Variants in TUBB3 observed in about 807,000 individuals in gnomAD.
The protein encoded by TUBB3 is tubulin beta 3 class III.
A neutral mutation model predicts 37.8 loss-of-function variants in TUBB3; 17 were observed. That is an observed-to-expected ratio of 0.45 (90% CI 0.31 to 0.67). The LOEUF is 0.67. Among genes scored for constraint, TUBB3 ranks in the 30% least tolerant of loss-of-function variants. The pLI, the probability that TUBB3 is intolerant of heterozygous loss-of-function variation, is 0.07. For synonymous variants in TUBB3, 332 were observed against 278.9 expected, an observed-to-expected ratio of 1.19 and a Z score of -1.90; for missense variants, 262 against 657.9, an observed-to-expected ratio of 0.40 and a Z score of 6.58.
intron 2 of TUBB3, chr16:89,933,039 G>C: frequency 2.1e-6 from 1 of 471,832 alleles, no homozygotes; most frequent in Non-Finnish European, 3.9e-6. Flanking sequence ...GGTGTGAAGT[G>C]ATTTCCATAT....
At chr16:89,926,784 C>T (rs1226201132) in intron 1 of TUBB3, among the ~76,000 whole-genome samples, 1 of 152,014 alleles carries the variant, frequency 6.6e-6, no homozygotes, top group Non-Finnish European at 1.5e-5. Flanking sequence ...GTGGCGCGAT[C>T]TCGGCTCATT....
chr16:89,928,999 G>T (rs1337176727), intron 1 of TUBB3, among the ~76,000 whole-genome samples: 8 of 135,924 alleles, frequency 5.9e-5, no homozygotes, highest in Non-Finnish European at 3.1e-5. Flanking sequence ...TTTCACTCTT[G>T]TCCCACAGGC....
At chr16:89,930,644 C>T (rs2030249714) in intron 1 of TUBB3, among the ~76,000 whole-genome samples, 1 of 151,986 alleles carries the variant, frequency 6.6e-6, no homozygotes, top group South Asian at 2.1e-4. Context: ...GGTGATCTGC[C>T]CACCTCAGCC....
chr16:89,923,388 C>A lies in TUBB3; in HGVS notation c.-14C>A. The A allele has an allele frequency of 6.8e-7, 1 of 1,474,912 alleles. No individual in the cohort carries two copies. 91.4% of individuals were successfully genotyped at this position (1,474,912 alleles called of 1,614,324 possible). On this transcript the variant is annotated 5_prime_UTR_variant, in exon 1 of 4. Coordinates refer to ENST00000315491, the MANE Select transcript of TUBB3 (RefSeq NM_006086.4). ...CCCGCGCCCGTCCGCAGCCGCCCGC[C>A]AGACGCGCCCAGTATGAGGGAGATC... is the stretch of plus-strand genomic sequence containing the variant.
At chr16:89,926,228 G>GGGCTGCGGCACCGCCTCCTCGC (rs1567761316) in intron 1 of TUBB3, among the ~76,000 whole-genome samples, 4 of 152,100 alleles carry the variant, frequency 2.6e-5, no homozygotes, top group African/African-American at 7.2e-5. Flanking sequence ...TCCTCCGCGC[G>GGGCTGCGGCACCGCCTCCTCGC]GGCTGCGGCA....
At chr16:89,930,988 C>T (rs1017551123) in intron 1 of TUBB3, among the ~76,000 whole-genome samples, 9 of 152,058 alleles carry the variant, frequency 5.9e-5, no homozygotes, top group African/African-American at 1.2e-4. Context: ...CCACCATTCC[C>T]GGCTAATTTT....
intron 3 of TUBB3, chr16:89,933,834 A>C (rs1302709710): frequency 1.4e-6 from 1 of 698,862 alleles, no homozygotes; most frequent in Non-Finnish European, 2.6e-6. Flanking sequence ...ATTGCTAGAG[A>C]GCTGGTGAGA....
chr16:89,930,566 GA>G (rs1441684748), intron 1 of TUBB3, among the ~76,000 whole-genome samples: 1 of 151,756 alleles, frequency 6.6e-6, no homozygotes, highest in Non-Finnish European at 1.5e-5. Context: ...TGGAACGTGT[GA>G]GCCACCACCC....
chr16:89,922,444 CCCTT>C (rs1461637134), upstream of TUBB3: 1 of 152,620 alleles, frequency 6.6e-6, no homozygotes, highest in Admixed American at 6.5e-5. Context: ...GTCCTTTGCT[CCCTT>C]CCTTCTCTGA....
chr16:89,924,040 A>G (rs1239738202), intron 1 of TUBB3, among the ~76,000 whole-genome samples: 1 of 152,202 alleles, frequency 6.6e-6, no homozygotes, highest in Non-Finnish European at 1.5e-5. Flanking sequence ...ACCTTGGTCC[A>G]GGACCAGGCT....
In TUBB3 at chr16:89,935,585, C is replaced by T. The variant is rs2030426931; in HGVS notation, c.1134C>T (p.Phe378=). The T allele has an allele frequency of 6.2e-7, 1 of 1,613,904 alleles. No individual in the cohort carries two copies. The highest frequency in any genetic ancestry group is 1.7e-5 in the Admixed American group (1 of 60,004). ...IGNSTAIQEL[F]KRISEQFTAM... ...ACAGCACGGCCATCCAGGAGCTGTT[C>T]AAGCGCATCTCCGAGCAGTTCACGG... The change falls in exon 4 of 4, where the codon TTC becomes TTT. Residue 378 remains phenylalanine (F), a synonymous_variant. Transcript: ENST00000315491.
At chr16:89,924,327 C>T (rs1450651214) in intron 1 of TUBB3, among the ~76,000 whole-genome samples, 2 of 152,196 alleles carry the variant, frequency 1.3e-5, no homozygotes, top group African/African-American at 4.8e-5. Flanking sequence ...CCCAAGGTCA[C>T]ACAGCAGGTG....
Position 89,933,736 on chromosome 16 carries a change from G to A in TUBB3, c.277+158G>A, listed in dbSNP as rs1035553892. On this transcript the variant is annotated intron_variant, in intron 3 of 3. Transcript: ENST00000315491. ...CTCCATTTTACAGCTGGGCATTGGAGGCCCAGAGAAAGGGTTCTGTGGGGA... is the reference window on the plus strand; with the variant it reads ...CTCCATTTTACAGCTGGGCATTGGAAGCCCAGAGAAAGGGTTCTGTGGGGA... The A allele has an allele frequency of 1.5e-5, 11 of 734,690 alleles. 1 individual carries two copies. The Admixed American group carries it at 1.8e-4, about 12-fold the overall frequency. 45.5% of individuals were successfully genotyped at this position (734,690 alleles called of 1,614,324 possible). A position where few individuals can be genotyped will look rare whatever the true frequency, so the allele number is the denominator to read the frequency against.
At chr16:89,925,825 G>A (rs1408535279) in intron 1 of TUBB3, among the ~76,000 whole-genome samples, 1 of 152,214 alleles carries the variant, frequency 6.6e-6, no homozygotes, top group Non-Finnish European at 1.5e-5. Context: ...AGGAAGGCCC[G>A]TGCACTCTGG....
chr16:89,928,508 G>A (rs4586434), intron 1 of TUBB3, among the ~76,000 whole-genome samples: 51,692 of 149,576 alleles, frequency 0.35, 9,475 homozygotes, highest in East Asian at 0.64. Flanking sequence ...ACAGGCACCC[G>A]TCACCACACT....
intron 1 of TUBB3, among the ~76,000 whole-genome samples, chr16:89,926,157 G>A (rs1348463985): frequency 6.6e-6 from 1 of 152,210 alleles, no homozygotes; most frequent in Non-Finnish European, 1.5e-5. Flanking sequence ...CTTTCCTGGG[G>A]CCTGTGCTCC....
At chr16:89,934,352 A>G (rs1039621507) in intron 3 of TUBB3, 2 of 491,676 alleles carry the variant, frequency 4.1e-6, no homozygotes, top group East Asian at 5.8e-5. Flanking sequence ...GTAGATGCCA[A>G]CTCGCATCCA....
intron 1 of TUBB3, among the ~76,000 whole-genome samples, chr16:89,928,789 G>T (rs1055488519): frequency 2.6e-5 from 4 of 152,014 alleles, no homozygotes; most frequent in Non-Finnish European, 5.9e-5. Context: ...CTCCCAAAGT[G>T]CTAGGACCAC....
At chr16:89,923,102 G>A (rs1469094402), upstream of TUBB3, among the ~76,000 whole-genome samples, 2 of 152,142 alleles carry the variant, frequency 1.3e-5, no homozygotes, top group African/African-American at 4.8e-5. Context: ...GCTCCTCTGG[G>A]AGACAGCCCC....
Sources: allele counts gnomAD v4.1 joint callset (sites outside exome capture counted in the v4.1 genomes callset), GRCh38; gene constraint gnomAD v4.1.1; transcripts MANE v1.5; gene names NCBI Gene and HGNC (gene_info 2026-07-23, HGNC 2026-07-21).